The following PCSK5 variants were observed in gnomAD, a reference collection of about 807,000 sequenced individuals.
The protein encoded by PCSK5 is proprotein convertase subtilisin/kexin type 5.
PCSK5 carries 129 observed loss-of-function variants against 233.2 expected under a neutral mutation model. The observed-to-expected ratio is 0.55, with a 90% CI of 0.48 to 0.64. PCSK5 has a LOEUF of 0.64. Among genes scored for constraint, PCSK5 ranks in the 30% least tolerant of loss-of-function variants. PCSK5 has a pLI of 0.00. For missense variants in PCSK5, 2,076 were observed against 2,430.1 expected (o/e 0.85, Z 3.06); for synonymous variants, 825 against 879.2 (o/e 0.94, Z 1.09).
Position 76,358,700 on chromosome 9 carries a change from G to T in PCSK5, c.5442G>T (p.Lys1814Asn), listed in dbSNP as rs771683476. 1 of 1,612,722 alleles carries T rather than the reference G, an allele frequency of 6.2e-7. No homozygotes were observed. ...ATGAAAAACTGGCCGACCCCAACAAGTCTTACTCCTCCTATAAGAGCAGCT... is the reference window on the plus strand; with the variant it reads ...ATGAAAAACTGGCCGACCCCAACAATTCTTACTCCTCCTATAAGAGCAGCT... ...AGYEKLADPN[K>N]SYSSYKSSYR... is the part of the protein sequence containing the mutation. The change falls in exon 38 of 38, where the codon AAG becomes AAT. Residue 1814 changes from lysine (K) to asparagine (N), a missense_variant. Around this residue, in one of 6 missense-constraint regions of PCSK5, gnomAD observed 1,510 missense variants for 1,538.1 expected, o/e 0.98. Coordinates refer to ENST00000674117, the MANE Select transcript of PCSK5 (RefSeq NM_001372043.1).
chr9:76,063,560 G>A (rs2131585243), intron 5 of PCSK5, among the ~76,000 whole-genome samples: 2 of 66,366 alleles, frequency 3.0e-5, no homozygotes, highest in South Asian at 1.2e-3. Context: ...TCAAGCATCT[G>A]TTTAACAAAG....
intron 2 of PCSK5, among the ~76,000 whole-genome samples, chr9:75,984,274 C>A (rs1438354881): frequency 1.3e-5 from 2 of 152,098 alleles, no homozygotes; most frequent in Non-Finnish European, 2.9e-5. Context: ...TTTATAGTGT[C>A]CTTCTAAGGA....
intron 14 of PCSK5, among the ~76,000 whole-genome samples, chr9:76,176,808 A>G (rs1823636555): frequency 6.6e-6 from 1 of 152,122 alleles, no homozygotes; most frequent in Non-Finnish European, 1.5e-5. Flanking sequence ...ATTAATTTAT[A>G]TAGTTTAGAG....
At position 76,060,322 on chromosome 9, in the gene PCSK5, T is replaced by C. The variant is rs1272169259; in HGVS notation, c.633-7633T>C. On this transcript the variant is annotated intron_variant, in intron 5 of 37. Coordinates refer to ENST00000674117, the MANE Select transcript of PCSK5 (RefSeq NM_001372043.1). ...TATATTTTGTATGTTACATGTATTA[T>C]ATACTATATTCTTACAATTAAGCTA... is the stretch of plus-strand genomic sequence containing the variant. 2.0e-5 allele frequency among the ~76,000 whole-genome samples: 3 copies of C among 152,200 alleles called. No homozygotes were observed. The East Asian group carries it at 5.8e-4, about 29-fold the overall frequency.
intron 9 of PCSK5, among the ~76,000 whole-genome samples, chr9:76,130,756 A>G (rs777265883): frequency 6.6e-6 from 1 of 152,138 alleles, no homozygotes; most frequent in Non-Finnish European, 1.5e-5. Context: ...GTGTTTATAA[A>G]TGTGACTCTC....
chr9:75,910,497 G>A (rs1822676426), intron 1 of PCSK5, among the ~76,000 whole-genome samples: 1 of 152,034 alleles, frequency 6.6e-6, no homozygotes, highest in African/African-American at 2.4e-5. Context: ...TATTGACCTT[G>A]CCGGTTCTTT....
intron 2 of PCSK5, among the ~76,000 whole-genome samples, chr9:75,957,270 A>T (rs1825135888): frequency 6.6e-6 from 1 of 152,084 alleles, no homozygotes; most frequent in Admixed American, 6.5e-5. Flanking sequence ...GATCCATAAG[A>T]TGGCTTCTAC....
At chr9:76,185,270 T>C (rs1824052221) in intron 17 of PCSK5, among the ~76,000 whole-genome samples, 1 of 152,228 alleles carries the variant, frequency 6.6e-6, no homozygotes, top group Non-Finnish European at 1.5e-5. Flanking sequence ...CTTGAATGGA[T>C]GACTTGCTCA....
At chr9:76,289,422 C>T (rs1254483387) in intron 24 of PCSK5, among the ~76,000 whole-genome samples, 2 of 148,168 alleles carry the variant, frequency 1.3e-5, no homozygotes, top group African/African-American at 2.5e-5. Flanking sequence ...CCTTCCAAGA[C>T]AGCTAACAAT....
chr9:76,194,558 A>AT (rs1160431717), intron 20 of PCSK5: 1 of 283,060 alleles, frequency 3.5e-6, no homozygotes, highest in Admixed American at 4.9e-5. Context: ...ATGCCATACT[A>AT]TTATATGCTG....
At chr9:75,974,851 G>A (rs1459087632) in intron 2 of PCSK5, among the ~76,000 whole-genome samples, 2 of 152,022 alleles carry the variant, frequency 1.3e-5, no homozygotes, top group Non-Finnish European at 2.9e-5. Context: ...AACCTCAAGG[G>A]GACAGAATAC....
At chr9:75,971,135 C>T (rs1227100391) in intron 2 of PCSK5, among the ~76,000 whole-genome samples, 6 of 150,482 alleles carry the variant, frequency 4.0e-5, no homozygotes, top group African/African-American at 1.5e-4. Context: ...CCCTCCCTGT[C>T]CATATGTTCT....
At chr9:75,943,491 AATTG>A (rs1563927962) in intron 2 of PCSK5, among the ~76,000 whole-genome samples, 1 of 152,110 alleles carries the variant, frequency 6.6e-6, no homozygotes, top group Non-Finnish European at 1.5e-5. Flanking sequence ...TAAGAAATCT[AATTG>A]AAACACCACC....
intron 2 of PCSK5, among the ~76,000 whole-genome samples, chr9:75,966,805 A>G (rs1194038663): frequency 6.6e-6 from 1 of 152,244 alleles, no homozygotes; most frequent in Admixed American, 6.5e-5. Context: ...AGGGTCACAT[A>G]CTATGTAATG....
At chr9:76,247,081 G>T (rs974885977) in intron 24 of PCSK5, among the ~76,000 whole-genome samples, 1 of 152,208 alleles carries the variant, frequency 6.6e-6, no homozygotes, top group African/African-American at 2.4e-5. Context: ...CGATTAGGAT[G>T]AACCTAGGCA....
Position 76,282,075 on chromosome 9 carries a change from T to C in PCSK5, c.3143-10158T>C, listed in dbSNP as rs59167097. The stretch of plus-strand genomic sequence containing the variant: ...CCATTTTTTTCTTTCTTTTTTTTTT[T>C]CCCCACTCTGTTGCCCAGGCTGGAG... On this transcript the variant is annotated intron_variant, in intron 24 of 37. Coordinates refer to ENST00000674117, the MANE Select transcript of PCSK5 (RefSeq NM_001372043.1). Among the ~76,000 whole-genome samples the C allele has an allele frequency of 9.1e-3, 1,270 of 139,828 alleles. 15 individuals are homozygous for C. The highest frequency in any genetic ancestry group is 0.03 in the African/African-American group (1,102 of 37,174). The allele number at this position is 139,828 out of a possible 152,430, so 91.7% of individuals were successfully genotyped here.
intron 24 of PCSK5, among the ~76,000 whole-genome samples, chr9:76,286,334 G>T (rs1029942119): frequency 6.6e-6 from 1 of 152,188 alleles, no homozygotes; most frequent in Non-Finnish European, 1.5e-5. Context: ...CTTTGAATAT[G>T]TGTAGAAAAG....
chr9:76,138,126 G>A lies in PCSK5; in HGVS notation c.1312+3914G>A, dbSNP rs973550694. On this transcript the variant is annotated intron_variant, in intron 10 of 37. Transcript: ENST00000674117. ...CAACCCAACACATGTTGAAGTGAGCGCAGAAAGTGGGAGGGGAAGAAACGT... is the reference window on the plus strand; with the variant it reads ...CAACCCAACACATGTTGAAGTGAGCACAGAAAGTGGGAGGGGAAGAAACGT... Among the ~76,000 whole-genome samples, 11 of 152,156 alleles carry A rather than the reference G, an allele frequency of 7.2e-5. No individual in the cohort carries two copies. The Middle Eastern group carries it at 0.014, about 188-fold the overall frequency.
intron 7 of PCSK5, among the ~76,000 whole-genome samples, chr9:76,084,424 G>A (rs1002040865): frequency 1.2e-4 from 18 of 152,186 alleles, no homozygotes; most frequent in Admixed American, 9.8e-4. Flanking sequence ...TAGTAACTGT[G>A]TGGGCAATTT....
Sources: gnomAD v4.1 joint callset for allele counts (sites outside exome capture counted in the v4.1 genomes callset) on GRCh38, gnomAD v4.1.1 for gene constraint, gnomAD v4.1.1 regional missense constraint, MANE v1.5 for transcripts, NCBI Gene and HGNC (gene_info 2026-07-23, HGNC 2026-07-21) for gene names.